SLC12A1: variants seen among roughly 807,000 people sequenced by gnomAD.
The protein encoded by SLC12A1 is solute carrier family 12 member 1, also known as Na-K-2Cl cotransporter.
A neutral mutation model predicts 130.4 loss-of-function variants in SLC12A1; 89 were observed. The observed-to-expected ratio is 0.68, with a 90% CI of 0.58 to 0.81. SLC12A1 has a LOEUF of 0.81. Ranked by LOEUF, SLC12A1 falls within the 40% of genes least tolerant of loss-of-function variation. The pLI, the probability that SLC12A1 is intolerant of heterozygous loss-of-function variation, is 0.00. For synonymous variants in SLC12A1, 499 were observed against 460.0 expected (o/e 1.08, Z -1.09); for missense variants, 1,310 against 1,336.4 (o/e 0.98, Z 0.31).
chr15:48,225,673 G>C (rs2041275863), intron 4 of SLC12A1: 1 of 152,500 alleles, frequency 6.6e-6, no homozygotes, highest in African/African-American at 2.4e-5. Context: ...CTTGGAACCA[G>C]AGCTACTACA....
intron 2 of SLC12A1, among the ~76,000 whole-genome samples, chr15:48,210,000 T>C (rs982429568): frequency 6.6e-6 from 1 of 152,208 alleles, no homozygotes. Context: ...TCAGACAACA[T>C]GGTAGCCCCC....
intron 17 of SLC12A1, among the ~76,000 whole-genome samples, chr15:48,263,272 A>G (rs552944670): frequency 6.6e-6 from 1 of 152,308 alleles, no homozygotes; most frequent in Non-Finnish European, 1.5e-5. Flanking sequence ...TGGAACACAA[A>G]TCAGATAAAG....
chr15:48,221,067 A>T (rs1205285784), intron 4 of SLC12A1, 71 bp downstream of exon 4: 1 of 1,323,408 alleles, frequency 7.6e-7, no homozygotes, highest in Non-Finnish European at 1.1e-6. Flanking sequence ...TTTTTTCACC[A>T]TTAATACTGA....
chr15:48,297,727 A>G (rs912721253), intron 24 of SLC12A1, among the ~76,000 whole-genome samples: 2 of 152,230 alleles, frequency 1.3e-5, no homozygotes, highest in Admixed American at 6.5e-5. Flanking sequence ...CTGTCACCCA[A>G]ATACTCACAG....
intron 25 of SLC12A1, among the ~76,000 whole-genome samples, chr15:48,299,801 G>A (rs907882984): frequency 9.2e-5 from 14 of 152,178 alleles, no homozygotes; most frequent in African/African-American, 3.4e-4. Flanking sequence ...AGCCCAGTAA[G>A]ATGCTCCCAT....
Position 48,267,599 on chromosome 15 carries a change from C to T in SLC12A1, c.2193C>T (p.Gly731=). The T allele has an allele frequency of 6.2e-7, 1 of 1,613,472 alleles. No individual in the cohort carries two copies. Among genetic ancestry groups the T allele is most frequent in the South Asian group, 1.1e-5 (1 of 91,058 alleles). Residue 731 remains glycine, a synonymous_variant, in exon 18 of 27, where the codon GGC becomes GGT. Transcript: ENST00000380993. ...RKLCVKEMNS[G]MAKKQAWLIK... is the part of the protein sequence containing the mutation. Reference sequence around the variant, plus strand: ...TGTGTGTTAAGGAGATGAACAGTGGCATGGCGAAAAAACAGGCCTGGCTTA... The same window carrying T: ...TGTGTGTTAAGGAGATGAACAGTGGTATGGCGAAAAAACAGGCCTGGCTTA...
chr15:48,230,385 T>G lies in SLC12A1; in HGVS notation c.865-8T>G. 1 of 1,582,670 alleles carries G rather than the reference T, an allele frequency of 6.3e-7. No individual in the cohort carries two copies. The highest frequency in any genetic ancestry group is 8.7e-7 in the Non-Finnish European group (1 of 1,154,222). On this transcript the variant is annotated splice_region_variant and splice_polypyrimidine_tract_variant and intron_variant, in intron 6 of 26. Transcript: ENST00000380993. ...TATCTCTAAGCACTTAATAATTTGTTTCCCCAGGAGAGTGATTCGATGATG... is the reference window on the plus strand; with the variant it reads ...TATCTCTAAGCACTTAATAATTTGTGTCCCCAGGAGAGTGATTCGATGATG...
intron 11 of SLC12A1, 146 bp downstream of exon 11, chr15:48,245,050 C>A: frequency 1.3e-6 from 1 of 771,774 alleles, no homozygotes; most frequent in Non-Finnish European, 2.1e-6. Context: ...TGAAAGGAGT[C>A]ATACAGTCAT....
In SLC12A1 at chr15:48,299,105, C is replaced by T; in HGVS notation, c.2961-35C>T. On this transcript the variant is annotated intron_variant, in intron 24 of 26. Transcript: ENST00000380993. ...ATCTGTGAAATAATGAGTTAGTTTC[C>T]CACTGTGAGGCCTCCTTTATAATTC... 3 of 1,576,746 alleles carry T rather than the reference C, an allele frequency of 1.9e-6. No homozygotes were observed. The East Asian group carries it at 6.9e-5, about 36-fold the overall frequency.
At position 48,230,861 on chromosome 15, in the gene SLC12A1, GAA is replaced by G. The variant is rs532417575; in HGVS notation, c.975+360_975+361del. Among the ~76,000 whole-genome samples, 448 of 152,324 alleles carry G rather than the reference GAA, an allele frequency of 2.9e-3. 4 individuals are homozygous for G. Among genetic ancestry groups the G allele is most frequent in the African/African-American group, 0.01 (423 of 41,574 alleles). On this transcript the variant is annotated intron_variant, in intron 7 of 26. Transcript: ENST00000380993. The stretch of plus-strand genomic sequence containing the variant: ...TGCCTGTGGGTGCAAAAGCCCAAGA[GAA>G]ATGGCAAGTGTGTTGAGAACATAAG...
chr15:48,249,229 G>A (rs1247543552), intron 13 of SLC12A1, among the ~76,000 whole-genome samples: 20 of 152,068 alleles, frequency 1.3e-4, no homozygotes, highest in Admixed American at 1.2e-3. Flanking sequence ...CCTACTTATT[G>A]CATACATAAC....
At chr15:48,269,813 G>A in intron 19 of SLC12A1, 49 bp downstream of exon 19, 1 of 1,026,294 alleles carries the variant, frequency 9.7e-7, no homozygotes, top group Non-Finnish European at 1.5e-6. Context: ...GCACTAAGCA[G>A]GGCAGTACAT....
chr15:48,249,336 T>TA (rs988743813), intron 13 of SLC12A1, among the ~76,000 whole-genome samples: 2 of 2,898 alleles, frequency 6.9e-4, no homozygotes, highest in African/African-American at 1.5e-3. Flanking sequence ...GAACTTTTTG[T>TA]AGTAGAGGTC....
intron 20 of SLC12A1, among the ~76,000 whole-genome samples, chr15:48,277,882 A>C (rs1167749582): frequency 6.6e-6 from 1 of 152,242 alleles, no homozygotes; most frequent in Non-Finnish European, 1.5e-5. Context: ...TGTATAAGAC[A>C]GAGAGCTACT....
At chr15:48,288,564 C>G in intron 23 of SLC12A1, 48 bp downstream of exon 23, 1 of 848,222 alleles carries the variant, frequency 1.2e-6, no homozygotes, top group Non-Finnish European at 1.9e-6. Flanking sequence ...AGGTTTGTTG[C>G]TTTAATGCTT....
At chr15:48,275,559 C>T (rs554842565) in intron 20 of SLC12A1, among the ~76,000 whole-genome samples, 3 of 152,138 alleles carry the variant, frequency 2.0e-5, no homozygotes, top group East Asian at 3.9e-4. Flanking sequence ...CTTTGATTTG[C>T]GATGCACTGG....
chr15:48,278,152 AG>A (rs557197472), intron 20 of SLC12A1, among the ~76,000 whole-genome samples: 75 of 152,336 alleles, frequency 4.9e-4, no homozygotes, highest in African/African-American at 1.8e-3. Flanking sequence ...AAAATATTTG[AG>A]CACTTACGTG....
chr15:48,240,052 T>TATATATCC (rs2041491593), intron 9 of SLC12A1, among the ~76,000 whole-genome samples: 11 of 32,880 alleles, frequency 3.3e-4, no homozygotes, highest in South Asian at 1.8e-3. Context: ...TATATATCCA[T>TATATATCC]ATATATATAT....
intron 23 of SLC12A1, 74 bp downstream of exon 23, chr15:48,288,590 T>C (rs1566857587): frequency 1.3e-6 from 1 of 741,486 alleles, no homozygotes; most frequent in Non-Finnish European, 2.3e-6. Context: ...TTAATAACTT[T>C]AAGTGTCTCT....
Sources: gnomAD v4.1 joint callset for allele counts (sites outside exome capture counted in the v4.1 genomes callset) on GRCh38, gnomAD v4.1.1 for gene constraint, MANE v1.5 for transcripts, NCBI Gene and HGNC (gene_info 2026-07-23, HGNC 2026-07-21) for gene names.